The following AKR1C8 variants were observed in gnomAD, a reference collection of about 807,000 sequenced individuals.
AKR1C8 encodes the protein aldo-keto reductase family 1 member C8, also known as aldo-keto reductase family 1 member C-like protein 1.
chr10:5,161,997 A>G, the AKR1C8 span: 14 of 527,362 alleles, frequency 2.7e-5, no homozygotes, highest in South Asian at 2.0e-4. Context: ...AGAAACAAAA[A>G]TGGATTATAA....
chr10:5,163,285 A>G, the AKR1C8 span, among the ~76,000 whole-genome samples: 4 of 152,208 alleles, frequency 2.6e-5, no homozygotes, highest in African/African-American at 7.2e-5. Context: ...TAGAAATTGA[A>G]TATAACATAT....
chr10:5,149,842 A>G, the AKR1C8 span, among the ~76,000 whole-genome samples: 1 of 152,284 alleles, frequency 6.6e-6, no homozygotes, highest in South Asian at 2.1e-4. Flanking sequence ...AATACGTTTC[A>G]AATTCTGGAA....
the AKR1C8 span, among the ~76,000 whole-genome samples, chr10:5,132,981 T>G: frequency 5.9e-5 from 9 of 152,208 alleles, no homozygotes; most frequent in African/African-American, 2.2e-4. Flanking sequence ...AGGTAATTCC[T>G]GGTTGATCAC....
At chr10:5,164,983 A>T in the AKR1C8 span, among the ~76,000 whole-genome samples, 1 of 152,098 alleles carries the variant, frequency 6.6e-6, no homozygotes, top group Admixed American at 6.6e-5. Context: ...ATATATTCTT[A>T]TTGGGTAAAC....
the AKR1C8 span, among the ~76,000 whole-genome samples, chr10:5,182,498 A>G: frequency 2.0e-5 from 3 of 152,332 alleles, no homozygotes; most frequent in South Asian, 6.2e-4. Flanking sequence ...GACCCAACTC[A>G]TAAATATTTG....
chr10:5,168,101 G>A, the AKR1C8 span, among the ~76,000 whole-genome samples: 1 of 152,020 alleles, frequency 6.6e-6, no homozygotes, highest in Non-Finnish European at 1.5e-5. Flanking sequence ...CTAGACTCCT[G>A]AGAAAAGTGT....
chr10:5,177,881 T>C, the AKR1C8 span, among the ~76,000 whole-genome samples: 1 of 152,220 alleles, frequency 6.6e-6, no homozygotes, highest in South Asian at 2.1e-4. Flanking sequence ...TTCTTCTTTA[T>C]TAGTCTGGCT....
At chr10:5,171,203 T>C in the AKR1C8 span, among the ~76,000 whole-genome samples, 1 of 152,052 alleles carries the variant, frequency 6.6e-6, no homozygotes, top group Non-Finnish European at 1.5e-5. Context: ...GAGTACCTGT[T>C]AGAGCTTTAT....
chr10:5,142,021 T>C, the AKR1C8 span, among the ~76,000 whole-genome samples: 1 of 152,104 alleles, frequency 6.6e-6, no homozygotes, highest in Non-Finnish European at 1.5e-5. Context: ...ATCGATTGCT[T>C]ATTGTAGTCG....
chr10:5,136,472 G>A, the AKR1C8 span, among the ~76,000 whole-genome samples: 45 of 151,368 alleles, frequency 3.0e-4, no homozygotes, highest in Admixed American at 1.6e-3. Context: ...AGTTCAACCT[G>A]GGAGGCAGAG....
the AKR1C8 span, among the ~76,000 whole-genome samples, chr10:5,132,982 G>A: frequency 6.6e-6 from 1 of 152,084 alleles, no homozygotes; most frequent in East Asian, 1.9e-4. Context: ...GGTAATTCCT[G>A]GTTGATCACT....
the AKR1C8 span, among the ~76,000 whole-genome samples, chr10:5,156,554 A>ATCTATTTATCTATCTT: frequency 6.6e-6 from 1 of 151,756 alleles, no homozygotes; most frequent in Non-Finnish European, 1.5e-5. Context: ...CTATCTATCT[A>ATCTATTTATCTATCTT]ATGTATTTAT....
chr10:5,161,945 A>C, the AKR1C8 span: 1 of 534,384 alleles, frequency 1.9e-6, no homozygotes, highest in Non-Finnish European at 3.8e-6. Flanking sequence ...GGGTGAACCA[A>C]TTCTGCCCGA....
the AKR1C8 span, chr10:5,135,280 A>G: frequency 5.4e-6 from 1 of 184,170 alleles, no homozygotes; most frequent in Middle Eastern, 9.7e-4. Flanking sequence ...AACATCCAGC[A>G]TTTATATTCA....
the AKR1C8 span, among the ~76,000 whole-genome samples, chr10:5,169,965 C>G: frequency 6.6e-6 from 1 of 152,016 alleles, no homozygotes; most frequent in Admixed American, 6.6e-5. Context: ...GGGGTTGCTT[C>G]CTTAGCTTTC....
the AKR1C8 span, among the ~76,000 whole-genome samples, chr10:5,128,961 C>A: frequency 6.6e-5 from 10 of 151,880 alleles, no homozygotes; most frequent in Admixed American, 6.6e-4. Flanking sequence ...AACATTCTAC[C>A]CGCCAACTGC....
the AKR1C8 span, among the ~76,000 whole-genome samples, chr10:5,165,273 C>T: frequency 1.3e-5 from 2 of 151,960 alleles, no homozygotes; most frequent in Non-Finnish European, 2.9e-5. Flanking sequence ...GTTTTTTTTC[C>T]ACTGTGGAAC....
chr10:5,144,274 T>G, the AKR1C8 span, among the ~76,000 whole-genome samples: 1,954 of 152,280 alleles, frequency 0.013, 20 homozygotes, highest in Non-Finnish European at 0.019. Context: ...TTGGTTACTG[T>G]AGCCTTGTAG....
At chr10:5,174,748 GT>G in the AKR1C8 span, among the ~76,000 whole-genome samples, 3 of 151,772 alleles carry the variant, frequency 2.0e-5, no homozygotes, top group African/African-American at 7.2e-5. Flanking sequence ...AGGAAAAAGT[GT>G]TTTTAATAAA....
Sources: allele counts gnomAD v4.1 joint callset (sites outside exome capture counted in the v4.1 genomes callset), GRCh38; gene constraint gnomAD v4.1.1; transcripts MANE v1.5; gene names NCBI Gene and HGNC (gene_info 2026-07-23, HGNC 2026-07-21).